Variants in RFC1 observed in about 807,000 individuals in gnomAD.
RFC1 encodes replication factor C subunit 1, also known as A1 140 kDa subunit.
In RFC1, 37 loss-of-function variants were observed where a neutral mutation model predicts 137.4. That is an observed-to-expected ratio of 0.27 (90% CI 0.21 to 0.35). The LOEUF (loss-of-function observed/expected upper bound fraction) is 0.35. Among genes scored for constraint, RFC1 ranks in the 10% least tolerant of loss-of-function variants. The probability of loss-of-function intolerance (pLI) is 1.00; values close to 1 mark genes in which losing one functional copy is unlikely to be tolerated. For missense variants in RFC1, 1,205 were observed against 1,358.5 expected (o/e 0.89, Z 1.78); for synonymous variants, 429 against 455.7 (o/e 0.94, Z 0.75).
At chr4:39,294,398 C>A (rs1038341350) in intron 22 of RFC1, among the ~76,000 whole-genome samples, 2 of 152,150 alleles carry the variant, frequency 1.3e-5, no homozygotes, top group African/African-American at 4.8e-5. Flanking sequence ...AGGGGCCGGG[C>A]GTGTGGCTCA....
intron 1 of RFC1, among the ~76,000 whole-genome samples, chr4:39,357,781 T>C (rs1446675810): frequency 6.6e-6 from 1 of 151,922 alleles, no homozygotes; most frequent in Non-Finnish European, 1.5e-5. Context: ...CATACCCAGC[T>C]AATTTTTCTG....
intron 8 of RFC1, among the ~76,000 whole-genome samples, chr4:39,320,972 C>T (rs915629138): frequency 3.3e-5 from 5 of 152,192 alleles, no homozygotes; most frequent in Admixed American, 2.0e-4. Context: ...CTACCTCTGA[C>T]ATGAAAAGCT....
chr4:39,293,615 T>C (rs545797917), intron 22 of RFC1, among the ~76,000 whole-genome samples: 2 of 152,264 alleles, frequency 1.3e-5, no homozygotes, highest in Admixed American at 1.3e-4. Context: ...TCACTATAAA[T>C]GTCTTTGCTG....
chr4:39,342,716 T>C (rs1458274469), intron 3 of RFC1, among the ~76,000 whole-genome samples: 1 of 152,226 alleles, frequency 6.6e-6, no homozygotes, highest in African/African-American at 2.4e-5. Context: ...CTTCCAGTTC[T>C]GGAGGTTAGA....
intron 24 of RFC1, 152 bp downstream of exon 24, chr4:39,289,696 C>T: frequency 1.7e-6 from 1 of 592,400 alleles, no homozygotes; most frequent in Non-Finnish European, 3.0e-6. Context: ...AAAATGAAAT[C>T]TCTACCTTCT....
rs1024247834 is a variant in RFC1, at chr4:39,288,543, T to C, written c.*218A>G. ...GTCTAACTAGATTGACAGAGGACAG[T>C]GGAGGACCCAAGCAGTCCTATCAAC... On this transcript the variant is annotated 3_prime_UTR_variant, in exon 25 of 25. Transcript: ENST00000349703. 5.6e-5 allele frequency: 25 copies of C among 445,898 alleles called. No individual in the cohort carries two copies. Among genetic ancestry groups the C allele is most frequent in the African/African-American group, 4.9e-4 (24 of 49,432 alleles). 27.6% of individuals were successfully genotyped at this position (445,898 alleles called of 1,614,324 possible).
rs17288202 is a variant in RFC1, at chr4:39,320,199, A to G, written c.1095+184T>C. Among the ~76,000 whole-genome samples, 26 of 152,144 alleles carry G rather than the reference A, an allele frequency of 1.7e-4. No individual in the cohort carries two copies. In the Middle Eastern group the frequency reaches 0.01, roughly 60 times the overall value. On this transcript the variant is annotated intron_variant, in intron 9 of 24. Coordinates refer to ENST00000349703, the MANE Select transcript of RFC1 (RefSeq NM_002913.5). ...ACCCCGTCTCTACTAAAAATACAAA[A>G]TTAGCCAGGCATGGTGGCACATGCC... is the stretch of plus-strand genomic sequence containing the variant.
Position 39,288,544 on chromosome 4 carries a change from G to T in RFC1, c.*217C>A. 2.2e-6 allele frequency: 1 copy of T among 448,958 alleles called. No homozygotes were observed. The highest frequency in any genetic ancestry group is 4.0e-6 in the Non-Finnish European group (1 of 252,286). 27.8% of individuals were successfully genotyped at this position (448,958 alleles called of 1,614,324 possible). On this transcript the variant is annotated 3_prime_UTR_variant, in exon 25 of 25. Transcript: ENST00000349703. ...TCTAACTAGATTGACAGAGGACAGT[G>T]GAGGACCCAAGCAGTCCTATCAACC...
chr4:39,298,066 G>A (rs1278793036), intron 21 of RFC1, among the ~76,000 whole-genome samples: 1 of 152,194 alleles, frequency 6.6e-6, no homozygotes, highest in Non-Finnish European at 1.5e-5. Context: ...AGTAACCCCA[G>A]CACTTTGGGA....
Position 39,320,384 on chromosome 4 carries a change from T to C in RFC1, c.1094A>G (p.Glu365Gly). ...AAAAAAAAAAAACAAAGTTCTTACCTCTTTTTTAGCTGGAGAACTTTTGGT... is the reference window on the plus strand; with the variant it reads ...AAAAAAAAAAAACAAAGTTCTTACCCCTTTTTTAGCTGGAGAACTTTTGGT... Reference protein sequence around the residue: ...KKTKSSPAKKESVSPEDSEKK... With the variant: ...KKTKSSPAKKGSVSPEDSEKK... The change falls in exon 9 of 25, where the codon GAG becomes GGG. Residue 365 changes from glutamate to glycine, a missense_variant and splice_region_variant. Physicochemically the swap from Glu to Gly is moderately conservative, Grantham distance 98 (BLOSUM62 -2). Coordinates refer to ENST00000349703, the MANE Select transcript of RFC1 (RefSeq NM_002913.5). 3 of 1,520,108 alleles carry C rather than the reference T, an allele frequency of 2.0e-6. No individual in the cohort carries two copies. The highest frequency in any genetic ancestry group is 2.6e-6 in the Non-Finnish European group (3 of 1,136,618). 94.2% of individuals were successfully genotyped at this position (1,520,108 alleles called of 1,614,324 possible). A position where few individuals can be genotyped will look rare whatever the true frequency, so the allele number is the denominator to read the frequency against.
chr4:39,291,024 C>T (rs17335542), intron 23 of RFC1, among the ~76,000 whole-genome samples: 2 of 152,206 alleles, frequency 1.3e-5, no homozygotes, highest in South Asian at 4.2e-4. Flanking sequence ...TACTGATAAC[C>T]ATAAAGTCGG....
chr4:39,303,367 A>G (rs1578114685), intron 15 of RFC1, among the ~76,000 whole-genome samples: 1 of 151,866 alleles, frequency 6.6e-6, no homozygotes, highest in East Asian at 1.9e-4. Context: ...GCAGACCCCA[A>G]TTCCCTTCCC....
intron 21 of RFC1, among the ~76,000 whole-genome samples, chr4:39,296,752 A>C (rs1299740969): frequency 1.4e-4 from 21 of 149,664 alleles, no homozygotes; most frequent in East Asian, 8.0e-4. Flanking sequence ...ATTTATAGTC[A>C]TTTGGGTATA....
At chr4:39,352,204 GAACATATACTCCAGTATGA>G (rs1259028863) in intron 1 of RFC1, among the ~76,000 whole-genome samples, 1 of 151,928 alleles carries the variant, frequency 6.6e-6, no homozygotes, top group African/African-American at 2.4e-5. Context: ...CTTGTCTGTG[GAACATATACTCCAGTATGA>G]AAGAATAACT....
chr4:39,316,703 G>A (rs1739256265), intron 10 of RFC1, among the ~76,000 whole-genome samples: 1 of 152,156 alleles, frequency 6.6e-6, no homozygotes, highest in Admixed American at 6.5e-5. Context: ...CCTTTCTAGG[G>A]CTACTTGTTA....
At chr4:39,346,935 G>A (rs747700476) in intron 2 of RFC1, among the ~76,000 whole-genome samples, 19 of 152,320 alleles carry the variant, frequency 1.2e-4, no homozygotes, top group Non-Finnish European at 2.4e-4. Context: ...AAAGATTTCA[G>A]CTGCTGCCCA....
chr4:39,360,272 G>A (rs1041042644), intron 1 of RFC1, among the ~76,000 whole-genome samples: 4 of 151,990 alleles, frequency 2.6e-5, no homozygotes, highest in South Asian at 4.1e-4. Flanking sequence ...AGGCCAAGGC[G>A]GGCAGATTAC....
chr4:39,313,627 T>C (rs1037961075), intron 10 of RFC1, among the ~76,000 whole-genome samples: 4 of 152,204 alleles, frequency 2.6e-5, no homozygotes, highest in Non-Finnish European at 4.4e-5. Context: ...TGGTGTGGCA[T>C]ATCTGAAGGC....
chr4:39,300,234 A>G, intron 20 of RFC1, 26 bp downstream of exon 20: 1 of 1,613,696 alleles, frequency 6.2e-7, no homozygotes, highest in Non-Finnish European at 8.5e-7. Flanking sequence ...TACTAAGCAC[A>G]CCTCTCACCA....
Sources: allele counts gnomAD v4.1 joint callset (sites outside exome capture counted in the v4.1 genomes callset), GRCh38; gene constraint gnomAD v4.1.1; transcripts MANE v1.5; gene names NCBI Gene and HGNC (gene_info 2026-07-23, HGNC 2026-07-21).